AGBL4: variants seen among roughly 807,000 people sequenced by gnomAD.
AGBL4 encodes cytosolic carboxypeptidase 6.
In AGBL4, 58 loss-of-function variants were observed where a neutral mutation model predicts 66.4. That is an observed-to-expected ratio of 0.87 (90% CI 0.71 to 1.09). AGBL4 has a LOEUF of 1.09. Among genes scored for constraint, AGBL4 ranks in the 50% least tolerant of loss-of-function variants. The pLI is 0.00. For synonymous variants in AGBL4, 234 were observed against 222.9 expected, an observed-to-expected ratio of 1.05 and a Z score of -0.44; for missense variants, 579 against 631.0, an observed-to-expected ratio of 0.92 and a Z score of 0.88.
chr1:49,839,478 A>G (rs1645934586), intron 2 of AGBL4, among the ~76,000 whole-genome samples: 1 of 152,226 alleles, frequency 6.6e-6, no homozygotes, highest in African/African-American at 2.4e-5. Flanking sequence ...ATAAAGTAAC[A>G]GTATTAGTAA....
At chr1:48,634,700 A>G (rs2148415274) in intron 8 of AGBL4, 96 bp from the exon 9 acceptor site, 1 of 765,982 alleles carries the variant, frequency 1.3e-6, no homozygotes, top group East Asian at 2.9e-5. Flanking sequence ...TGATTATGTC[A>G]CTTACCTAGC....
intron 4 of AGBL4, among the ~76,000 whole-genome samples, chr1:49,089,398 T>G (rs892222940): frequency 6.6e-6 from 1 of 151,752 alleles, no homozygotes; most frequent in Non-Finnish European, 1.5e-5. Context: ...CTAAATTCAA[T>G]CAGAAATGAC....
intron 3 of AGBL4, among the ~76,000 whole-genome samples, chr1:49,308,257 G>T (rs1347256260): frequency 1.3e-5 from 2 of 152,116 alleles, no homozygotes; most frequent in Non-Finnish European, 2.9e-5. Context: ...ACAGACTAAT[G>T]CAGGGCCCAA....
intron 10 of AGBL4, among the ~76,000 whole-genome samples, chr1:48,587,839 T>C (rs571271413): frequency 6.6e-6 from 1 of 151,738 alleles, no homozygotes; most frequent in Admixed American, 6.6e-5. Context: ...AGACAGGGTT[T>C]CACTGTGTTA....
intron 5 of AGBL4, among the ~76,000 whole-genome samples, chr1:48,996,501 G>A (rs1040452065): frequency 6.6e-6 from 1 of 152,206 alleles, no homozygotes; most frequent in African/African-American, 2.4e-5. Context: ...GTGGTATCTT[G>A]AAAGCCTAAA....
chr1:49,814,225 G>A (rs1251314906), intron 2 of AGBL4, among the ~76,000 whole-genome samples: 1 of 152,118 alleles, frequency 6.6e-6, no homozygotes, highest in Non-Finnish European at 1.5e-5. Context: ...CAGCAGAGAT[G>A]TGAATGACAT....
intron 4 of AGBL4, among the ~76,000 whole-genome samples, chr1:49,082,529 T>A (rs1644826469): frequency 6.6e-6 from 1 of 152,138 alleles, no homozygotes; most frequent in South Asian, 2.1e-4. Context: ...AACCATCAGA[T>A]CTCATGAGAC....
At position 48,587,090 on chromosome 1, in the gene AGBL4, G is replaced by A. The variant is rs1024034434; in HGVS notation, c.1181C>T (p.Thr394Ile). Residue 394 changes from threonine to isoleucine, a missense_variant, in exon 11 of 14, where the codon ACT becomes ATT. Physicochemically the swap from Thr to Ile is moderately conservative, Grantham distance 89. Transcript: ENST00000371839. ...RRFLGGLLDH[T>I]SYCYTLEVSF... Reference sequence around the variant, plus strand: ...GACCTCTAGGGTGTAGCAATAGGAAGTGTGGTCCAGGAGTCCACCGAGGAA... The same window carrying A: ...GACCTCTAGGGTGTAGCAATAGGAAATGTGGTCCAGGAGTCCACCGAGGAA... 14 of 1,595,710 alleles carry A rather than the reference G, an allele frequency of 8.8e-6. No individual in the cohort carries two copies. Among genetic ancestry groups the A allele is most frequent in the Non-Finnish European group, 1.2e-5 (14 of 1,171,438 alleles).
At chr1:48,755,408 C>T (rs901780896) in intron 6 of AGBL4, among the ~76,000 whole-genome samples, 2 of 152,212 alleles carry the variant, frequency 1.3e-5, no homozygotes, top group Non-Finnish European at 2.9e-5. Context: ...GTGAATGATC[C>T]AGCACCCAAG....
At chr1:49,086,399 C>T (rs942775203) in intron 4 of AGBL4, among the ~76,000 whole-genome samples, 2 of 152,038 alleles carry the variant, frequency 1.3e-5, no homozygotes, top group African/African-American at 2.4e-5. Flanking sequence ...GGTGACCTCA[C>T]CCACCCCTGC....
At chr1:49,795,153 T>C (rs942705465) in intron 2 of AGBL4, among the ~76,000 whole-genome samples, 3 of 151,780 alleles carry the variant, frequency 2.0e-5, no homozygotes, top group African/African-American at 4.8e-5. Flanking sequence ...AAATATTAGG[T>C]ATAGTCATAT....
chr1:48,915,565 G>C (rs1319375641), intron 5 of AGBL4, among the ~76,000 whole-genome samples: 2 of 152,172 alleles, frequency 1.3e-5, no homozygotes, highest in Admixed American at 6.5e-5. Flanking sequence ...ACTTGTTAGT[G>C]CTCAATAAAC....
At chr1:49,691,438 A>G (rs1304234070) in intron 3 of AGBL4, 1 of 158,366 alleles carries the variant, frequency 6.3e-6, no homozygotes, top group Non-Finnish European at 1.4e-5. Context: ...TTCTTGTAGG[A>G]TTGTACTTGT....
chr1:49,743,639 A>T (rs946313556), intron 2 of AGBL4, among the ~76,000 whole-genome samples: 7 of 152,052 alleles, frequency 4.6e-5, no homozygotes, highest in African/African-American at 1.7e-4. Flanking sequence ...AATAGCAAAG[A>T]CTTGGAACCA....
At chr1:49,493,039 T>A (rs1013911404) in intron 3 of AGBL4, among the ~76,000 whole-genome samples, 4 of 151,938 alleles carry the variant, frequency 2.6e-5, no homozygotes, top group Middle Eastern at 3.4e-3. Context: ...TATAACACCA[T>A]CCGATCTCAT....
intron 4 of AGBL4, among the ~76,000 whole-genome samples, chr1:49,096,055 A>G (rs1480997109): frequency 1.3e-5 from 2 of 152,268 alleles, no homozygotes; most frequent in East Asian, 3.9e-4. Flanking sequence ...TCTCAAAAGA[A>G]GACATTTATG....
At chr1:48,925,150 A>G (rs1390033367) in intron 5 of AGBL4, among the ~76,000 whole-genome samples, 1 of 61,054 alleles carries the variant, frequency 1.6e-5, no homozygotes, top group Non-Finnish European at 5.6e-5. Context: ...ATATATACAT[A>G]CACACACACA....
intron 6 of AGBL4, among the ~76,000 whole-genome samples, chr1:48,821,573 C>G (rs1206439598): frequency 3.3e-5 from 5 of 152,036 alleles, no homozygotes; most frequent in African/African-American, 4.8e-5. Flanking sequence ...ATGAAAATAA[C>G]AGACACTGGG....
chr1:49,333,070 A>G (rs890469938), intron 3 of AGBL4, among the ~76,000 whole-genome samples: 3 of 152,086 alleles, frequency 2.0e-5, no homozygotes, highest in African/African-American at 7.2e-5. Context: ...TCTTCTTTTG[A>G]GAAGTGTCTG....
Sources: allele counts gnomAD v4.1 joint callset (sites outside exome capture counted in the v4.1 genomes callset), GRCh38; gene constraint gnomAD v4.1.1; transcripts MANE v1.5; gene names NCBI Gene and HGNC (gene_info 2026-07-23, HGNC 2026-07-21).